The following STAG1 variants were observed in gnomAD, a reference collection of about 807,000 sequenced individuals.
STAG1 encodes cohesin subunit SA-1.
In STAG1, 26 loss-of-function variants were observed where a neutral mutation model predicts 170.9. The observed-to-expected ratio is 0.15, with a 90% confidence interval of 0.11 to 0.21. STAG1 has a LOEUF of 0.21. Among genes scored for constraint, STAG1 ranks in the 10% least tolerant of loss-of-function variants. The pLI, the probability that STAG1 is intolerant of heterozygous loss-of-function variation, is 1.00. For missense variants in STAG1, 964 were observed against 1,509.5 expected (o/e 0.64, Z 5.99); for synonymous variants, 514 against 497.7 (o/e 1.03, Z -0.44).
chr3:136,414,293 C>G lies in STAG1; in HGVS notation c.2196+3592G>C, dbSNP rs2087711820. ...AAAACTGGAGACAACCCTCTCCCAC[C>G]CTTGTCACTGCTTTATCAACTAAGT... On this transcript the variant is annotated intron_variant, in intron 21 of 33. Coordinates refer to ENST00000383202, the MANE Select transcript of STAG1 (RefSeq NM_005862.3). Among the ~76,000 whole-genome samples, 5 of 152,330 alleles carry G rather than the reference C, an allele frequency of 3.3e-5. No homozygotes were observed. In the South Asian group the frequency reaches 1.0e-3, roughly 32 times the overall value.
chr3:136,599,678 T>C (rs1356542385), intron 4 of STAG1, among the ~76,000 whole-genome samples: 1 of 152,206 alleles, frequency 6.6e-6, no homozygotes, highest in Non-Finnish European at 1.5e-5. Context: ...TTCTCTGGGC[T>C]ACATTCTAAC....
intron 1 of STAG1, among the ~76,000 whole-genome samples, chr3:136,734,124 CAAAACAAAACA>C (rs1221479416): frequency 7.7e-5 from 11 of 143,106 alleles, no homozygotes; most frequent in South Asian, 2.3e-4. Context: ...AAAAAAAAAA[CAAAACAAAACA>C]AAAACAAAAC....
intron 29 of STAG1, 137 bp from the exon 30 acceptor site, chr3:136,344,143 A>ACAAAG: frequency 1.7e-6 from 1 of 578,780 alleles, no homozygotes; most frequent in Non-Finnish European, 2.8e-6. Context: ...ACTTACTTAC[A>ACAAAG]TGACTTTGTG....
rs145535849 is a variant in STAG1, at chr3:136,600,337, T to C, written c.297+3972A>G. On this transcript the variant is annotated intron_variant, in intron 4 of 33. Coordinates refer to ENST00000383202, the MANE Select transcript of STAG1 (RefSeq NM_005862.3). The stretch of plus-strand genomic sequence containing the variant: ...AGACTCACATTAGGCCTTGGCTTCA[T>C]GTAATAAGCCCGATTCGATTCTCCT... Among the ~76,000 whole-genome samples, 578 of 152,316 alleles carry C rather than the reference T, an allele frequency of 3.8e-3. 2 individuals are homozygous for C. Among genetic ancestry groups the C allele is most frequent in the Non-Finnish European group, 6.5e-3 (442 of 68,028 alleles).
chr3:136,469,088 G>A (rs1449596301), intron 12 of STAG1, among the ~76,000 whole-genome samples: 1 of 152,162 alleles, frequency 6.6e-6, no homozygotes, highest in East Asian at 1.9e-4. Context: ...AGACAGGGAT[G>A]CCCTCTCTCA....
chr3:136,497,963 C>A (rs112408731), intron 9 of STAG1, among the ~76,000 whole-genome samples: 7 of 150,786 alleles, frequency 4.6e-5, no homozygotes, highest in African/African-American at 1.5e-4. Context: ...GAGGCCAAGG[C>A]AGGCAGATCA....
chr3:136,640,756 T>C (rs1366916272), intron 1 of STAG1, among the ~76,000 whole-genome samples: 2 of 150,674 alleles, frequency 1.3e-5, no homozygotes, highest in African/African-American at 4.9e-5. Flanking sequence ...TGCTGCAACC[T>C]GTGCCTCCCG....
At chr3:136,723,916 T>A (rs1933489201) in intron 1 of STAG1, among the ~76,000 whole-genome samples, 1 of 137,092 alleles carries the variant, frequency 7.3e-6, no homozygotes, top group Non-Finnish European at 1.6e-5. Context: ...AGTCGCCCCG[T>A]CTGGGAGTGA....
intron 1 of STAG1, among the ~76,000 whole-genome samples, chr3:136,720,726 T>C (rs1576808524): frequency 1.3e-5 from 2 of 151,812 alleles, no homozygotes; most frequent in Admixed American, 6.6e-5. Context: ...GAGGCGGAGG[T>C]TGCAGTGAGC....
At chr3:136,658,805 T>A (rs951080866) in intron 1 of STAG1, among the ~76,000 whole-genome samples, 4 of 152,214 alleles carry the variant, frequency 2.6e-5, no homozygotes, top group African/African-American at 7.2e-5. Context: ...TAACAAGATA[T>A]ATGTTACTGT....
intron 22 of STAG1, among the ~76,000 whole-genome samples, chr3:136,397,944 A>C (rs1002707163): frequency 6.6e-6 from 1 of 151,650 alleles, no homozygotes; most frequent in African/African-American, 2.4e-5. Flanking sequence ...CTATCTTTCA[A>C]TGATGTTATT....
chr3:136,388,920 T>C (rs536029793), intron 22 of STAG1, among the ~76,000 whole-genome samples: 1 of 152,286 alleles, frequency 6.6e-6, no homozygotes, highest in South Asian at 2.1e-4. Flanking sequence ...ATCTCTGTAC[T>C]AGAAAGTGTT....
intron 25 of STAG1, among the ~76,000 whole-genome samples, chr3:136,364,606 G>T (rs928238965): frequency 6.6e-6 from 1 of 152,176 alleles, no homozygotes; most frequent in East Asian, 1.9e-4. Context: ...CCATCAACAT[G>T]TCTATATTTT....
intron 22 of STAG1, among the ~76,000 whole-genome samples, chr3:136,396,083 G>T: frequency 6.6e-6 from 1 of 152,156 alleles, no homozygotes; most frequent in Non-Finnish European, 1.5e-5. Context: ...TGTATTTTTA[G>T]TAGAGACAGG....
intron 21 of STAG1, among the ~76,000 whole-genome samples, chr3:136,409,200 G>A (rs2087561138): frequency 6.6e-6 from 1 of 152,076 alleles, no homozygotes; most frequent in African/African-American, 2.4e-5. Context: ...GGAGGCGGAG[G>A]TTGCAGTGAG....
chr3:136,343,879 A>G lies in STAG1; in HGVS notation c.3399T>C (p.Ile1133=). 6.3e-7 allele frequency: 1 copy of G among 1,599,846 alleles called. No homozygotes were observed. The highest frequency in any genetic ancestry group is 8.5e-7 in the Non-Finnish European group (1 of 1,173,576). ...RENSRPMGDQ[I]QEPESEHGSE... is the part of the protein sequence containing the mutation. ...AACCATGTTCAGACTCAGGTTCTTGAATCTGGTCTCCCATGGGCCGACTGT... is the reference window on the plus strand; with the variant it reads ...AACCATGTTCAGACTCAGGTTCTTGGATCTGGTCTCCCATGGGCCGACTGT... Residue 1133 remains isoleucine, a synonymous_variant, in exon 30 of 34, where the codon ATT becomes ATC. Coordinates refer to ENST00000383202, the MANE Select transcript of STAG1 (RefSeq NM_005862.3).
At chr3:136,583,225 A>AT (rs1206940629) in intron 4 of STAG1, among the ~76,000 whole-genome samples, 5 of 152,184 alleles carry the variant, frequency 3.3e-5, no homozygotes, top group Non-Finnish European at 7.4e-5. Flanking sequence ...TTAAGAAGGT[A>AT]TTGCCTGACT....
chr3:136,405,840 TG>T (rs2087469016), intron 21 of STAG1, among the ~76,000 whole-genome samples: 1 of 116,948 alleles, frequency 8.6e-6, no homozygotes, highest in Non-Finnish European at 1.7e-5. Flanking sequence ...GTTAAAAGCA[TG>T]ATGAGATACC....
chr3:136,670,691 C>CT (rs1252789096), intron 1 of STAG1, among the ~76,000 whole-genome samples: 3 of 152,072 alleles, frequency 2.0e-5, no homozygotes, highest in Non-Finnish European at 2.9e-5. Context: ...GGGCTGGTCT[C>CT]TAATTCCTGA....
Sources: allele counts gnomAD v4.1 joint callset (sites outside exome capture counted in the v4.1 genomes callset), GRCh38; gene constraint gnomAD v4.1.1; transcripts MANE v1.5; gene names NCBI Gene and HGNC (gene_info 2026-07-23, HGNC 2026-07-21).